ABCB5: variants seen among roughly 807,000 people sequenced by gnomAD.
ABCB5 encodes the protein ATP-binding cassette sub-family B member 5.
A neutral mutation model predicts 144.2 loss-of-function variants in ABCB5; 155 were observed. The observed-to-expected ratio is 1.08, with a 90% CI of 0.94 to 1.23. The LOEUF is 1.23. Ranked by LOEUF, ABCB5 falls within the 50% of genes most tolerant of loss-of-function variation. The probability of loss-of-function intolerance (pLI) is 0.00; values close to 1 mark genes in which losing one functional copy is unlikely to be tolerated. For missense variants in ABCB5, 1,830 were observed against 1,520.8 expected, an observed-to-expected ratio of 1.20 and a Z score of -3.38; for synonymous variants, 610 against 528.6, an observed-to-expected ratio of 1.15 and a Z score of -2.11.
chr7:20,643,614 A>G lies in ABCB5; in HGVS notation c.660A>G (p.Ser220=), dbSNP rs1369707656. 1 of 1,613,950 alleles carries G rather than the reference A, an allele frequency of 6.2e-7. No homozygotes were observed. The highest frequency in any genetic ancestry group is 1.7e-5 in the Admixed American group (1 of 60,010). The stretch of plus-strand genomic sequence containing the variant: ...CCACGTCTCCTCTTATAATGGCTTC[A>G]GCGGCAGCATGTTCTAGGGTAAGTG... ...TLSTSPLIMA[S]AAACSRMVIS... is the part of the protein sequence containing the mutation. Residue 220 remains serine (S), a synonymous_variant, in exon 7 of 28, where the codon TCA becomes TCG. Coordinates refer to ENST00000404938, the MANE Select transcript of ABCB5 (RefSeq NM_001163941.2).
intron 20 of ABCB5, among the ~76,000 whole-genome samples, chr7:20,706,978 C>T (rs1786847766): frequency 6.6e-6 from 1 of 152,140 alleles, no homozygotes; most frequent in South Asian, 2.1e-4. Context: ...TATTCAATTT[C>T]AATGGACAGT....
intron 14 of ABCB5, chr7:20,659,814 G>C: frequency 1.1e-5 from 11 of 957,128 alleles, no homozygotes; most frequent in Non-Finnish European, 9.9e-6. Context: ...CTCCTGAGTA[G>C]CTGGGAGTAC....
intron 5 of ABCB5, among the ~76,000 whole-genome samples, chr7:20,635,058 C>T (rs1784122982): frequency 6.6e-6 from 1 of 152,072 alleles, no homozygotes; most frequent in Non-Finnish European, 1.5e-5. Context: ...AGTCTTTAAT[C>T]CATCTTTAGT....
chr7:20,657,498 G>C (rs1338876286), intron 13 of ABCB5, among the ~76,000 whole-genome samples: 1 of 152,056 alleles, frequency 6.6e-6, no homozygotes, highest in Non-Finnish European at 1.5e-5. Context: ...CATTAAGCTA[G>C]GTAAAAGAAA....
chr7:20,679,424 T>A (rs1785716528), intron 14 of ABCB5, among the ~76,000 whole-genome samples: 1 of 136,040 alleles, frequency 7.4e-6, no homozygotes, highest in Admixed American at 8.1e-5. Context: ...TGAGCTGAGA[T>A]CATGCCATTG....
At chr7:20,617,422 T>C (rs1441477113) in intron 1 of ABCB5, among the ~76,000 whole-genome samples, 1 of 152,228 alleles carries the variant, frequency 6.6e-6, no homozygotes, top group Non-Finnish European at 1.5e-5. Context: ...AAAACTGTGC[T>C]ATTAACAGCA....
chr7:20,643,678 G>A, intron 7 of ABCB5, 46 bp downstream of exon 7: 1 of 1,593,482 alleles, frequency 6.3e-7, no homozygotes, highest in Non-Finnish European at 8.6e-7. Context: ...CAGCAGTGTG[G>A]ACTAAATGAC....
intron 9 of ABCB5, chr7:20,647,298 C>T (rs1784433793): frequency 1.6e-6 from 2 of 1,253,758 alleles, no homozygotes; most frequent in Admixed American, 4.1e-5. Context: ...AAAGTTGTTC[C>T]TTATTAGGAA....
At chr7:20,679,596 TGAAAA>T (rs978922422) in intron 14 of ABCB5, among the ~76,000 whole-genome samples, 6 of 151,170 alleles carry the variant, frequency 4.0e-5, no homozygotes, top group Non-Finnish European at 2.9e-5. Context: ...TCATGAAAAT[TGAAAA>T]GAAAAATACA....
At chr7:20,621,261 A>G (rs1783799528) in intron 1 of ABCB5, among the ~76,000 whole-genome samples, 1 of 152,138 alleles carries the variant, frequency 6.6e-6, no homozygotes, top group Non-Finnish European at 1.5e-5. Context: ...TGTTTAATGG[A>G]TATAGAATTT....
chr7:20,627,852 T>A (rs1040761815), intron 3 of ABCB5, among the ~76,000 whole-genome samples: 2 of 152,154 alleles, frequency 1.3e-5, no homozygotes, highest in African/African-American at 4.8e-5. Flanking sequence ...AATGTGCAGA[T>A]CAGCTTTCCA....
chr7:20,637,233 C>T (rs897457791), intron 5 of ABCB5, among the ~76,000 whole-genome samples: 2 of 152,020 alleles, frequency 1.3e-5, no homozygotes, highest in African/African-American at 4.8e-5. Context: ...TGTTATTTTC[C>T]AAAGAAAGTG....
At chr7:20,710,381 A>AAGGG (rs1242291728) in intron 20 of ABCB5, among the ~76,000 whole-genome samples, 8 of 56,740 alleles carry the variant, frequency 1.4e-4, no homozygotes, top group African/African-American at 6.1e-4. Flanking sequence ...AAAAAAAAAA[A>AAGGG]GTGGGGGGGG....
chr7:20,742,883 T>A lies in ABCB5; in HGVS notation c.3031T>A (p.Cys1011Ser). The part of the protein sequence containing the change: ...RSQEGKKPDT[C>S]EGNLEFREVS... Reference sequence around the variant, plus strand: ...TGTCAACTTCCTTTCACAGGACACATGTGAAGGGAATTTAGAGTTTCGAGA... The same window carrying A: ...TGTCAACTTCCTTTCACAGGACACAAGTGAAGGGAATTTAGAGTTTCGAGA... Residue 1011 changes from cysteine (C) to serine (S), a missense_variant, in exon 25 of 28, where the codon TGT (cysteine) becomes AGT (serine). Physicochemically the swap from Cys to Ser is moderately radical, Grantham distance 112. Coordinates refer to ENST00000404938, the MANE Select transcript of ABCB5 (RefSeq NM_001163941.2). The A allele has an allele frequency of 6.2e-7, 1 of 1,614,088 alleles. No homozygotes were observed. Among genetic ancestry groups the A allele is most frequent in the South Asian group, 1.1e-5 (1 of 91,072 alleles).
At chr7:20,716,854 T>C (rs1182089706) in intron 20 of ABCB5, among the ~76,000 whole-genome samples, 2 of 152,138 alleles carry the variant, frequency 1.3e-5, no homozygotes, top group Non-Finnish European at 2.9e-5. Context: ...CTGTTAGCAA[T>C]ACAGCTTTCC....
intron 16 of ABCB5, among the ~76,000 whole-genome samples, chr7:20,698,185 G>T (rs1337876023): frequency 6.6e-6 from 1 of 151,968 alleles, no homozygotes; most frequent in African/African-American, 2.4e-5. Context: ...GCCAAAAAGT[G>T]ATATTGCACA....
In ABCB5 at chr7:20,632,122, A is replaced by G; in HGVS notation, c.314+9A>G. ...AATGAAGATATGACTCTGTAAGTCC[A>G]AATGAAACGTTAATATCACATTCGT... is the stretch of plus-strand genomic sequence containing the variant. On this transcript the variant is annotated intron_variant, in intron 5 of 27. Coordinates refer to ENST00000404938, the MANE Select transcript of ABCB5 (RefSeq NM_001163941.2). The G allele has an allele frequency of 6.7e-7, 1 of 1,497,758 alleles. No homozygotes were observed. The highest frequency in any genetic ancestry group is 2.5e-5 in the East Asian group (1 of 40,124). 92.8% of individuals were successfully genotyped at this position (1,497,758 alleles called of 1,614,324 possible).
intron 15 of ABCB5, among the ~76,000 whole-genome samples, chr7:20,683,799 G>C (rs1785902668): frequency 1.3e-5 from 2 of 152,154 alleles, no homozygotes; most frequent in Admixed American, 1.3e-4. Context: ...GTGAAGATCT[G>C]CACATTCTTA....
At position 20,618,154 on chromosome 7, in the gene ABCB5, T is replaced by C. The variant is rs187741184; in HGVS notation, c.-22+2317T>C. Among the ~76,000 whole-genome samples the C allele has an allele frequency of 5.3e-5, 8 of 152,342 alleles. No individual in the cohort carries two copies. The South Asian group carries it at 1.4e-3, about 28-fold the overall frequency. Reference sequence around the variant, plus strand: ...AGCCATCACCACATTCAATTTATAGTGGTTTTATCATCTTGAAAAGAAACC... The same window carrying C: ...AGCCATCACCACATTCAATTTATAGCGGTTTTATCATCTTGAAAAGAAACC... On this transcript the variant is annotated intron_variant, in intron 1 of 27. Coordinates refer to ENST00000404938, the MANE Select transcript of ABCB5 (RefSeq NM_001163941.2).
Sources: gnomAD v4.1 joint callset for allele counts (sites outside exome capture counted in the v4.1 genomes callset) on GRCh38, gnomAD v4.1.1 for gene constraint, MANE v1.5 for transcripts, NCBI Gene and HGNC (gene_info 2026-07-23, HGNC 2026-07-21) for gene names.